UBXN2A: variants seen among roughly 807,000 people sequenced by gnomAD.
UBXN2A encodes the protein UBX domain-containing protein 2A.
Under a neutral mutation model 28.4 loss-of-function variants are expected in UBXN2A, and 28 were observed. That is an observed-to-expected ratio of 0.99 (90% CI 0.73 to 1.35). The LOEUF (loss-of-function observed/expected upper bound fraction) is 1.35. Ranked by LOEUF, UBXN2A falls within the 40% of genes most tolerant of loss-of-function variation. The pLI, the probability that UBXN2A is intolerant of heterozygous loss-of-function variation, is 0.00. For synonymous variants in UBXN2A, 97 were observed against 103.6 expected (o/e 0.94, Z 0.39); for missense variants, 253 against 297.9 (o/e 0.85, Z 1.11).
intron 4 of UBXN2A, among the ~76,000 whole-genome samples, chr2:23,981,504 A>AAAAG: frequency 6.8e-6 from 1 of 147,686 alleles, no homozygotes; most frequent in African/African-American, 2.5e-5. Context: ...AAAAAAAAAA[A>AAAAG]AAATAGAAAA....
rs561390178 is a variant in UBXN2A, at chr2:23,928,133, G to A, written c.-138+518G>A. Among the ~76,000 whole-genome samples, 4 of 148,838 alleles carry A rather than the reference G, an allele frequency of 2.7e-5. No homozygotes were observed. In the South Asian group the frequency reaches 6.3e-4, roughly 24 times the overall value. On this transcript the variant is annotated intron_variant, in intron 1 of 7. Transcript: ENST00000404924. ...GGAGGTTGCAGTGAGCCGAAATCAC[G>A]CCACTGCACTCCAGCCTGGATGACA...
chr2:23,956,037 G>A (rs1264317225), intron 1 of UBXN2A, among the ~76,000 whole-genome samples: 2 of 152,072 alleles, frequency 1.3e-5, no homozygotes, highest in Non-Finnish European at 2.9e-5. Flanking sequence ...GCTGATTTTT[G>A]TATTTTTAGT....
intron 6 of UBXN2A, among the ~76,000 whole-genome samples, chr2:23,997,555 G>C (rs539744848): frequency 1.3e-5 from 2 of 151,684 alleles, no homozygotes; most frequent in Non-Finnish European, 2.9e-5. Flanking sequence ...AGGTTCAAGC[G>C]ATTCTCCTGC....
intron 5 of UBXN2A, among the ~76,000 whole-genome samples, chr2:23,983,610 A>G (rs919239949): frequency 2.6e-5 from 4 of 152,166 alleles, no homozygotes; most frequent in African/African-American, 4.8e-5. Flanking sequence ...ACAGAATTCA[A>G]TAGTTAAGTT....
intron 1 of UBXN2A, among the ~76,000 whole-genome samples, chr2:23,940,870 C>T (rs1363434887): frequency 1.1e-5 from 1 of 88,760 alleles, no homozygotes; most frequent in Non-Finnish European, 2.5e-5. Context: ...AGCGGCGACC[C>T]CGAGCCCCTG....
In UBXN2A at chr2:24,004,662, GAAAA is replaced by G. The variant is rs769815746; in HGVS notation, c.*4799_*4802del. On this transcript the variant is annotated 3_prime_UTR_variant, in exon 7 of 7. Coordinates refer to ENST00000309033, the MANE Select transcript of UBXN2A (RefSeq NM_181713.4). ...GAGCGAGACTCCGTCTCAAAAAAAA[GAAAA>G]AAAGAAATACATATCTAATGTTACA... 1 of 151,884 alleles carries G rather than the reference GAAAA, an allele frequency of 6.6e-6. No individual in the cohort carries two copies. The highest frequency in any genetic ancestry group is 2.4e-5 in the African/African-American group (1 of 41,354). The allele number at this position is 151,884 out of a possible 1,614,324, so 9.4% of individuals were successfully genotyped here.
At chr2:23,941,313 C>T (rs1347631929) in intron 1 of UBXN2A, among the ~76,000 whole-genome samples, 2 of 152,082 alleles carry the variant, frequency 1.3e-5, no homozygotes, top group African/African-American at 2.4e-5. Flanking sequence ...GAAGTCTGGC[C>T]GGTTGCAGTT....
intron 4 of UBXN2A, among the ~76,000 whole-genome samples, chr2:23,981,364 G>T (rs1707890597): frequency 6.8e-6 from 1 of 147,414 alleles, no homozygotes; most frequent in African/African-American, 2.5e-5. Flanking sequence ...TATAGTCCTG[G>T]CTACTTGGGA....
chr2:23,943,434 T>G (rs1033157969), intron 1 of UBXN2A, among the ~76,000 whole-genome samples: 10 of 152,282 alleles, frequency 6.6e-5, no homozygotes, highest in Non-Finnish European at 1.5e-4. Flanking sequence ...TAATTTTATA[T>G]TCACACCTAT....
rs1708697961 is a variant in UBXN2A, at chr2:24,000,464, C to A, written c.*597C>A. On this transcript the variant is annotated 3_prime_UTR_variant, in exon 7 of 7. Coordinates refer to ENST00000309033, the MANE Select transcript of UBXN2A (RefSeq NM_181713.4). ...GGCTGAGGCAGGAGAATCTCTTGAA[C>A]CTGGCAAGTGTAGGTTGCAGTGAGC... The A allele has an allele frequency of 1.3e-5, 2 of 152,292 alleles. No homozygotes were observed. The highest frequency in any genetic ancestry group is 4.8e-5 in the African/African-American group (2 of 41,436). 9.4% of individuals were successfully genotyped at this position (152,292 alleles called of 1,614,324 possible).
intron 6 of UBXN2A, among the ~76,000 whole-genome samples, chr2:23,993,063 T>G (rs2150915303): frequency 6.6e-6 from 1 of 152,280 alleles, no homozygotes; most frequent in Non-Finnish European, 1.5e-5. Flanking sequence ...TTTATTTCTG[T>G]CAAAACCATT....
At chr2:23,989,222 C>T (rs1708246555) in intron 6 of UBXN2A, among the ~76,000 whole-genome samples, 1 of 151,876 alleles carries the variant, frequency 6.6e-6, no homozygotes, top group African/African-American at 2.4e-5. Context: ...CAAAGACACA[C>T]ACAAAAAACC....
Position 23,981,662 on chromosome 2 carries a change from G to A in UBXN2A, c.288-1234G>A, listed in dbSNP as rs373615126. 5.9e-5 allele frequency among the ~76,000 whole-genome samples: 9 copies of A among 151,916 alleles called. No homozygotes were observed. The East Asian group carries it at 1.4e-3, about 23-fold the overall frequency. On this transcript the variant is annotated intron_variant, in intron 4 of 6. Coordinates refer to ENST00000309033, the MANE Select transcript of UBXN2A (RefSeq NM_181713.4). ...TAATCCCAACACTTTGGGAGGCTGA[G>A]GTGGGCAGATCACTTGAGCCTAGGA... is the stretch of plus-strand genomic sequence containing the variant.
chr2:23,988,853 C>T (rs1037234196), intron 6 of UBXN2A, among the ~76,000 whole-genome samples: 2 of 152,172 alleles, frequency 1.3e-5, no homozygotes, highest in African/African-American at 4.8e-5. Flanking sequence ...CACATTGTCT[C>T]AGGTACAGTT....
At chr2:23,990,066 A>T (rs1479026104) in intron 6 of UBXN2A, among the ~76,000 whole-genome samples, 1 of 152,060 alleles carries the variant, frequency 6.6e-6, no homozygotes, top group Non-Finnish European at 1.5e-5. Flanking sequence ...CCTACCCCAC[A>T]TGTAAGCCTT....
intron 6 of UBXN2A, among the ~76,000 whole-genome samples, chr2:23,995,666 C>T (rs1383545978): frequency 6.8e-6 from 1 of 147,456 alleles, no homozygotes; most frequent in Non-Finnish European, 1.5e-5. Flanking sequence ...GCACTCCAGC[C>T]TGGGCGACAG....
At position 24,003,682 on chromosome 2, in the gene UBXN2A, T is replaced by G. The variant is rs1487070109; in HGVS notation, c.*3815T>G. On this transcript the variant is annotated 3_prime_UTR_variant, in exon 7 of 7. Transcript: ENST00000309033. ...ATTGTTGGTAATGTTTACACAGCAG[T>G]GTTAGAGCCTCTCTGTAGTGAAACA... 6.9e-6 allele frequency: 1 copy of G among 144,034 alleles called. No individual in the cohort carries two copies. Among genetic ancestry groups the G allele is most frequent in the Non-Finnish European group, 1.5e-5 (1 of 67,260 alleles). The allele number at this position is 144,034 out of a possible 1,614,324, so 8.9% of individuals were successfully genotyped here. A position where few individuals can be genotyped will look rare whatever the true frequency, so the allele number is the denominator to read the frequency against.
chr2:23,993,503 C>G (rs1038032996), intron 6 of UBXN2A, among the ~76,000 whole-genome samples: 43 of 152,118 alleles, frequency 2.8e-4, no homozygotes, highest in Admixed American at 2.7e-3. Context: ...CTCTGTTACT[C>G]TCTTCCTTTT....
At chr2:23,960,173 G>A (rs1002436197) in intron 2 of UBXN2A, among the ~76,000 whole-genome samples, 4 of 151,936 alleles carry the variant, frequency 2.6e-5, no homozygotes, top group African/African-American at 7.3e-5. Context: ...GGAGAATGGC[G>A]TGAACCCAGG....
Sources: gnomAD v4.1 joint callset for allele counts (sites outside exome capture counted in the v4.1 genomes callset) on GRCh38, gnomAD v4.1.1 for gene constraint, MANE v1.5 for transcripts, NCBI Gene and HGNC (gene_info 2026-07-23, HGNC 2026-07-21) for gene names.